ZIM3: variants seen among roughly 807,000 people sequenced by gnomAD.
ZIM3 encodes zinc finger protein 657.
ZIM3 carries 11 observed loss-of-function variants against 12.9 expected under a neutral mutation model. The ratio of observed to expected loss-of-function variants is 0.85; its 90% CI spans 0.54 to 1.41. The LOEUF is 1.41. ZIM3 is among the 40% of genes most tolerant of loss of function. The pLI is 0.00. For synonymous variants in ZIM3, 205 were observed against 198.5 expected (o/e 1.03, Z -0.28); for missense variants, 604 against 557.2 (o/e 1.08, Z -0.85).
rs753762773 is a variant in ZIM3, at chr19:57,135,401, A to G, written c.936T>C (p.Cys312=). 1.9e-6 allele frequency: 3 copies of G among 1,614,074 alleles called. No individual in the cohort carries two copies. Among genetic ancestry groups the G allele is most frequent in the Non-Finnish European group, 2.5e-6 (3 of 1,179,982 alleles). Residue 312 remains cysteine (C), a synonymous_variant, in exon 5 of 5, where the codon TGT becomes TGC. Coordinates refer to ENST00000269834, the MANE Select transcript of ZIM3 (RefSeq NM_052882.1). ...TGQKPFQCTD[C]GKAFIYKSDL... is the part of the protein sequence containing the mutation. Reference sequence around the variant, plus strand: ...CTGACTTGTAAATGAAAGCCTTTCCACAGTCCGTACATTGAAAGGGTTTTT... The same window carrying G: ...CTGACTTGTAAATGAAAGCCTTTCCGCAGTCCGTACATTGAAAGGGTTTTT...
rs2086881864 is a variant in ZIM3 at position 57,135,490 on chromosome 19, C to G, written c.847G>C (p.Glu283Gln). ...TTCTGCCTGAAGGATTTCTCACATT[C>G]ATTACACTGATAGGATTTCTTGGCA... ...HNAKKSYQCN[E>Q]CEKSFRQNST... The change falls in exon 5 of 5, where the codon GAA (glutamate) becomes CAA (glutamine). Residue 283 changes from glutamate (E) to glutamine (Q), a missense_variant. Transcript: ENST00000269834. The G allele has an allele frequency of 6.2e-7, 1 of 1,614,060 alleles. No homozygotes were observed. The highest frequency in any genetic ancestry group is 8.5e-7 in the Non-Finnish European group (1 of 1,180,026).
At chr19:57,139,015 C>T (rs1199670818) in intron 2 of ZIM3, among the ~76,000 whole-genome samples, 1 of 151,946 alleles carries the variant, frequency 6.6e-6, no homozygotes, top group Non-Finnish European at 1.5e-5. Context: ...CATAGCAAAA[C>T]CCCTATCTCA....
At chr19:57,142,256 AC>A (rs1459456381) in intron 2 of ZIM3, among the ~76,000 whole-genome samples, 3 of 145,276 alleles carry the variant, frequency 2.1e-5, no homozygotes, top group African/African-American at 7.7e-5. Flanking sequence ...CGATTCTCCC[AC>A]CTCCGCCTCC....
chr19:57,139,292 C>T (rs1263345516), intron 2 of ZIM3, among the ~76,000 whole-genome samples: 3 of 151,088 alleles, frequency 2.0e-5, no homozygotes, highest in Admixed American at 1.3e-4. Flanking sequence ...TGCGCCACTG[C>T]ACTCCAGCCA....
At chr19:57,140,017 C>CT (rs2086906647) in intron 2 of ZIM3, among the ~76,000 whole-genome samples, 1 of 152,168 alleles carries the variant, frequency 6.6e-6, no homozygotes, top group South Asian at 2.1e-4. Context: ...CCACTCAACA[C>CT]TCACAGTGTT....
chr19:57,143,268 T>C (rs1325521608), intron 1 of ZIM3, among the ~76,000 whole-genome samples: 1 of 151,174 alleles, frequency 6.6e-6, no homozygotes, highest in Non-Finnish European at 1.5e-5. Flanking sequence ...GAGGCGGAGC[T>C]TGCAGTGAGC....
chr19:57,143,834 C>T (rs2086925843), intron 1 of ZIM3, among the ~76,000 whole-genome samples: 1 of 151,760 alleles, frequency 6.6e-6, no homozygotes, highest in South Asian at 2.1e-4. Context: ...CACCACCATG[C>T]CCAGCTAATT....
chr19:57,144,095 A>G (rs2086926924), intron 1 of ZIM3, among the ~76,000 whole-genome samples: 2 of 152,122 alleles, frequency 1.3e-5, no homozygotes, highest in South Asian at 4.2e-4. Flanking sequence ...TCTGTCACCC[A>G]GGCTGGAGTG....
At position 57,135,663 on chromosome 19, in the gene ZIM3, C is replaced by A. The variant is rs2086882944; in HGVS notation, c.674G>T (p.Cys225Phe). The change falls in exon 5 of 5, where the codon TGT becomes TTT. Residue 225 changes from cysteine (C) to phenylalanine (F), a missense_variant. Transcript: ENST00000269834. ...CTTGTAGGCATTTCCACAGTTCTCA[C>A]ATTTATAGGGCCTTTCCTCTGCGTG... ...KTHAEERPYK[C>F]ENCGNAYKQK... 1 of 1,612,810 alleles carries A rather than the reference C, an allele frequency of 6.2e-7. No homozygotes were observed. The highest frequency in any genetic ancestry group is 1.7e-5 in the Admixed American group (1 of 59,958).
intron 2 of ZIM3, 84 bp downstream of exon 2, chr19:57,142,544 AG>A: frequency 1.4e-6 from 2 of 1,431,828 alleles, no homozygotes; most frequent in Non-Finnish European, 1.9e-6. Flanking sequence ...ATATGCCAAA[AG>A]GTTAGCACAG....
intron 2 of ZIM3, among the ~76,000 whole-genome samples, chr19:57,139,645 G>T (rs1440809149): frequency 6.6e-6 from 1 of 152,022 alleles, no homozygotes; most frequent in Admixed American, 6.6e-5. Flanking sequence ...AGAATCGCTT[G>T]AACCCTGGGA....
chr19:57,141,488 TTTTTTG>T lies in ZIM3; in HGVS notation c.15+1135_15+1140del, dbSNP rs371021271. 5.6e-3 allele frequency among the ~76,000 whole-genome samples: 846 copies of T among 151,894 alleles called. 6 individuals carry two copies. The highest frequency in any genetic ancestry group is 0.019 in the African/African-American group (768 of 41,414). ...CCCATAGACAGTTGTGGGTTTTTTGTTTTTTGTTTTTGTTTTTGTTTTTGTTTTTTG... is the reference window on the plus strand; with the variant it reads ...CCCATAGACAGTTGTGGGTTTTTTGTTTTTTGTTTTTGTTTTTGTTTTTTG... On this transcript the variant is annotated intron_variant, in intron 2 of 4. Transcript: ENST00000269834.
At chr19:57,136,677 G>GA (rs74179416) in intron 4 of ZIM3, among the ~76,000 whole-genome samples, 196 bp downstream of exon 4, 95,212 of 140,656 alleles carry the variant, frequency 0.68, 32,488 homozygotes, top group East Asian at 0.93. Flanking sequence ...AAAAAAAAAA[G>GA]AAAAAAAAAA....
In ZIM3 at chr19:57,134,844, T is replaced by C; in HGVS notation, c.*74A>G. 6.8e-7 allele frequency: 1 copy of C among 1,476,892 alleles called. No homozygotes were observed. Among genetic ancestry groups the C allele is most frequent in the East Asian group, 2.3e-5 (1 of 44,008 alleles). The allele number at this position is 1,476,892 out of a possible 1,614,324, so 91.5% of individuals were successfully genotyped here. ...AAAATAGCCTCCAAATTAGAGGCCA[T>C]TTCAACATGGAATTCTGGGGTGACA... On this transcript the variant is annotated 3_prime_UTR_variant, in exon 5 of 5. Transcript: ENST00000269834.
chr19:57,141,755 G>A (rs1286932910), intron 2 of ZIM3, among the ~76,000 whole-genome samples: 3 of 151,850 alleles, frequency 2.0e-5, no homozygotes, highest in African/African-American at 7.3e-5. Context: ...TCAGGAGGCT[G>A]AGGAAGGAGA....
intron 1 of ZIM3, among the ~76,000 whole-genome samples, chr19:57,143,546 A>G (rs557627580): frequency 6.6e-6 from 1 of 152,172 alleles, no homozygotes; most frequent in Middle Eastern, 3.4e-3. Flanking sequence ...CTTTGCCATA[A>G]GCGGGACAGC....
chr19:57,136,284 G>A (rs1278451534), intron 4 of ZIM3, among the ~76,000 whole-genome samples, 189 bp from the exon 5 acceptor site: 1 of 152,140 alleles, frequency 6.6e-6, no homozygotes, highest in Admixed American at 6.6e-5. Context: ...TCACATATCT[G>A]TCTGTAAAGG....
chr19:57,137,080 G>A (rs2086890519), intron 3 of ZIM3, 109 bp from the exon 4 acceptor site: 2 of 1,009,904 alleles, frequency 2.0e-6, no homozygotes, highest in African/African-American at 1.6e-5. Flanking sequence ...ATATTTGTGT[G>A]TGAGTGTGAG....
intron 3 of ZIM3, among the ~76,000 whole-genome samples, 194 bp from the exon 4 acceptor site, chr19:57,137,165 A>G (rs2086890861): frequency 6.6e-6 from 1 of 152,130 alleles, no homozygotes; most frequent in Non-Finnish European, 1.5e-5. Flanking sequence ...GAGGGAATGC[A>G]CCTGAGCAGT....
Sources: allele counts gnomAD v4.1 joint callset (sites outside exome capture counted in the v4.1 genomes callset), GRCh38; gene constraint gnomAD v4.1.1; transcripts MANE v1.5; gene names NCBI Gene and HGNC (gene_info 2026-07-23, HGNC 2026-07-21).